The following ZCWPW2 variants were observed in gnomAD, a reference collection of about 807,000 sequenced individuals.
ZCWPW2 encodes the protein zinc finger CW-type PWWP domain protein 2.
Under a neutral mutation model 46.6 loss-of-function variants are expected in ZCWPW2, and 45 were observed. The observed-to-expected ratio is 0.96, with a 90% confidence interval of 0.76 to 1.24. The LOEUF (loss-of-function observed/expected upper bound fraction) is 1.24, where lower values mean the gene tolerates loss of function less well. Among genes scored for constraint, ZCWPW2 ranks in the 50% most tolerant of loss-of-function variants. The pLI, the probability that ZCWPW2 is intolerant of heterozygous loss-of-function variation, is 0.00. For missense variants in ZCWPW2, 429 were observed against 403.9 expected, an observed-to-expected ratio of 1.06 and a Z score of -0.53; for synonymous variants, 152 against 137.1, an observed-to-expected ratio of 1.11 and a Z score of -0.76.
At chr3:28,458,288 G>A (rs1476120507) in intron 4 of ZCWPW2, among the ~76,000 whole-genome samples, 1 of 152,152 alleles carries the variant, frequency 6.6e-6, no homozygotes, top group African/African-American at 2.4e-5. Flanking sequence ...TTATAAGCTT[G>A]TTAAAAAGCT....
rs534485101 is a variant in ZCWPW2 at position 28,391,175 on chromosome 3, CA to C, written c.-14+560del. 2.5e-3 allele frequency among the ~76,000 whole-genome samples: 377 copies of C among 152,268 alleles called. 1 individual carries two copies. The highest frequency in any genetic ancestry group is 8.3e-3 in the African/African-American group (344 of 41,548). On this transcript the variant is annotated intron_variant, in intron 2 of 9. Transcript: ENST00000383768. The stretch of plus-strand genomic sequence containing the variant: ...ACTGCAAAGTAGATAAGGTTTTTAG[CA>C]AGTCTTCAGAACTAACAAGACTTAA...
At chr3:28,417,519 G>A (rs188855590) in intron 3 of ZCWPW2, among the ~76,000 whole-genome samples, 78 of 151,962 alleles carry the variant, frequency 5.1e-4, no homozygotes, top group African/African-American at 1.8e-3. Context: ...ATTTTATGAG[G>A]CCAGCATCAT....
At chr3:28,426,659 G>A (rs1697025469) in intron 3 of ZCWPW2, among the ~76,000 whole-genome samples, 1 of 152,032 alleles carries the variant, frequency 6.6e-6, no homozygotes, top group South Asian at 2.1e-4. Context: ...ATGTGTATCT[G>A]AAAGGAAAAC....
intron 6 of ZCWPW2, among the ~76,000 whole-genome samples, chr3:28,513,195 A>T (rs1700474171): frequency 6.6e-6 from 1 of 152,172 alleles, no homozygotes; most frequent in Non-Finnish European, 1.5e-5. Context: ...TCTTCTCCAA[A>T]TGATCTATAT....
At position 28,524,778 on chromosome 3, in the gene ZCWPW2, G is replaced by A. The variant is rs1700810249; in HGVS notation, c.*90G>A. On this transcript the variant is annotated 3_prime_UTR_variant, in exon 10 of 10. Coordinates refer to ENST00000383768, the MANE Select transcript of ZCWPW2 (RefSeq NM_001040432.4). ...AACTTTAAAAATGTTTAGTGAAATAGGTATAAATTATACCAAAGTTTATAT... is the reference window on the plus strand; with the variant it reads ...AACTTTAAAAATGTTTAGTGAAATAAGTATAAATTATACCAAAGTTTATAT... The A allele has an allele frequency of 1.8e-6, 2 of 1,107,586 alleles. No individual in the cohort carries two copies. Among genetic ancestry groups the A allele is most frequent in the Non-Finnish European group, 2.4e-6 (2 of 840,642 alleles). 68.6% of individuals were successfully genotyped at this position (1,107,586 alleles called of 1,614,324 possible).
At chr3:28,454,645 C>T (rs908069630) in intron 4 of ZCWPW2, among the ~76,000 whole-genome samples, 2 of 152,178 alleles carry the variant, frequency 1.3e-5, no homozygotes, top group African/African-American at 4.8e-5. Flanking sequence ...TCCTATTCCC[C>T]ACCCTCTGAC....
intron 4 of ZCWPW2, among the ~76,000 whole-genome samples, chr3:28,472,475 A>G (rs531988427): frequency 1.1e-4 from 17 of 152,290 alleles, no homozygotes; most frequent in African/African-American, 4.1e-4. Flanking sequence ...ACATTAGGAA[A>G]AGGACAGTCT....
At chr3:28,475,320 C>G (rs1323198797) in intron 4 of ZCWPW2, among the ~76,000 whole-genome samples, 1 of 152,116 alleles carries the variant, frequency 6.6e-6, no homozygotes, top group Non-Finnish European at 1.5e-5. Context: ...CAAATTATGT[C>G]CAGAATCCTA....
chr3:28,421,895 A>C (rs1463544855), intron 3 of ZCWPW2, among the ~76,000 whole-genome samples: 1 of 144,920 alleles, frequency 6.9e-6, no homozygotes, highest in Non-Finnish European at 1.5e-5. Flanking sequence ...CTTTTCACCT[A>C]ATTCAAAGTT....
chr3:28,424,477 C>T (rs1319299508), intron 3 of ZCWPW2, among the ~76,000 whole-genome samples: 1 of 151,948 alleles, frequency 6.6e-6, no homozygotes, highest in Non-Finnish European at 1.5e-5. Flanking sequence ...TGACTGGCAT[C>T]CTTATAAGAA....
intron 6 of ZCWPW2, among the ~76,000 whole-genome samples, chr3:28,509,932 G>T (rs997375122): frequency 2.6e-5 from 4 of 152,210 alleles, no homozygotes; most frequent in Admixed American, 2.6e-4. Flanking sequence ...TTTCTTCTGA[G>T]AGTTGTAAGT....
intron 1 of ZCWPW2, among the ~76,000 whole-genome samples, chr3:28,366,751 C>T (rs1427147850): frequency 3.1e-4 from 47 of 152,112 alleles, no homozygotes; most frequent in African/African-American, 7.2e-4. Context: ...TGGTAGAATT[C>T]GGCTGTGAAT....
chr3:28,495,859 G>C (rs866634449), intron 6 of ZCWPW2, among the ~76,000 whole-genome samples: 3 of 151,950 alleles, frequency 2.0e-5, no homozygotes, highest in African/African-American at 4.8e-5. Context: ...AGAATACAAG[G>C]TGTTTTACTA....
chr3:28,447,501 A>T lies in ZCWPW2; in HGVS notation c.492+12232A>T, dbSNP rs148152015. 6.6e-3 allele frequency among the ~76,000 whole-genome samples: 1,001 copies of T among 152,228 alleles called. 9 individuals carry two copies. Among genetic ancestry groups the T allele is most frequent in the African/African-American group, 0.02 (843 of 41,554 alleles). On this transcript the variant is annotated intron_variant, in intron 4 of 9. Coordinates refer to ENST00000383768, the MANE Select transcript of ZCWPW2 (RefSeq NM_001040432.4). Reference sequence around the variant, plus strand: ...CTCAACAAACTAGGAATGGAAGGCTACTATCTCAACATAATAAAAGCCATA... The same window carrying T: ...CTCAACAAACTAGGAATGGAAGGCTTCTATCTCAACATAATAAAAGCCATA...
At chr3:28,476,759 G>T (rs898153427) in intron 4 of ZCWPW2, among the ~76,000 whole-genome samples, 1 of 152,140 alleles carries the variant, frequency 6.6e-6, no homozygotes, top group South Asian at 2.1e-4. Flanking sequence ...CACTGAGCTT[G>T]TTTTCCCGCA....
At chr3:28,389,543 T>C (rs1695406696) in intron 1 of ZCWPW2, among the ~76,000 whole-genome samples, 1 of 152,202 alleles carries the variant, frequency 6.6e-6, no homozygotes. Flanking sequence ...CTCTCTTTAG[T>C]AATGGAAATG....
chr3:28,387,252 C>T (rs1374218265), intron 1 of ZCWPW2, among the ~76,000 whole-genome samples: 1 of 152,208 alleles, frequency 6.6e-6, no homozygotes, highest in Non-Finnish European at 1.5e-5. Context: ...TTCTTCTGTG[C>T]ATGTTCTGCA....
intron 1 of ZCWPW2, among the ~76,000 whole-genome samples, chr3:28,378,610 C>T (rs890858273): frequency 6.6e-6 from 1 of 151,974 alleles, no homozygotes; most frequent in South Asian, 2.1e-4. Context: ...TTGTAGGAAA[C>T]GAAGTGAGAA....
chr3:28,523,576 G>A (rs1392925230), intron 9 of ZCWPW2, among the ~76,000 whole-genome samples: 2 of 152,040 alleles, frequency 1.3e-5, no homozygotes, highest in African/African-American at 2.4e-5. Context: ...AGCAGATATT[G>A]TATAAGCTGT....
Sources: gnomAD v4.1 joint callset for allele counts (sites outside exome capture counted in the v4.1 genomes callset) on GRCh38, gnomAD v4.1.1 for gene constraint, MANE v1.5 for transcripts, NCBI Gene and HGNC (gene_info 2026-07-23, HGNC 2026-07-21) for gene names.